Variants in PTPRT observed in about 807,000 individuals in gnomAD.
PTPRT encodes the protein protein tyrosine phosphatase receptor type T.
A neutral mutation model predicts 176.8 loss-of-function variants in PTPRT; 56 were observed. The observed-to-expected ratio is 0.32, with a 90% confidence interval of 0.26 to 0.40. The LOEUF is 0.40. Among genes scored for constraint, PTPRT ranks in the 10% least tolerant of loss-of-function variants. The pLI is 1.00. For missense variants in PTPRT, 1,540 were observed against 1,908.2 expected, an observed-to-expected ratio of 0.81 and a Z score of 3.60; for synonymous variants, 783 against 739.0, an observed-to-expected ratio of 1.06 and a Z score of -0.96.
intron 6 of PTPRT, among the ~76,000 whole-genome samples, chr20:42,712,316 G>C (rs757281151): frequency 6.6e-6 from 1 of 152,250 alleles, no homozygotes; most frequent in Non-Finnish European, 1.5e-5. Flanking sequence ...GCTTGGCAGT[G>C]GGTATGTTAG....
At chr20:43,153,324 T>C (rs1211049126) in intron 1 of PTPRT, among the ~76,000 whole-genome samples, 1 of 152,196 alleles carries the variant, frequency 6.6e-6, no homozygotes, top group Non-Finnish European at 1.5e-5. Flanking sequence ...AAATAATAAT[T>C]AGCTTTGCAT....
chr20:42,667,166 C>A (rs906982895), intron 7 of PTPRT, among the ~76,000 whole-genome samples: 2 of 152,146 alleles, frequency 1.3e-5, no homozygotes, highest in African/African-American at 2.4e-5. Flanking sequence ...AAACACCCAA[C>A]TGGGCCATGG....
intron 9 of PTPRT, among the ~76,000 whole-genome samples, chr20:42,424,497 C>T (rs73121635): frequency 0.012 from 1,848 of 152,250 alleles, 24 homozygotes; most frequent in Non-Finnish European, 0.02. Flanking sequence ...TCTGAGGGGG[C>T]TCGCTGTGCC....
At chr20:42,482,009 G>A (rs2071396043) in intron 7 of PTPRT, among the ~76,000 whole-genome samples, 1 of 152,020 alleles carries the variant, frequency 6.6e-6, no homozygotes, top group Non-Finnish European at 1.5e-5. Flanking sequence ...ACACCCCACT[G>A]TGTAAGCTTA....
intron 11 of PTPRT, among the ~76,000 whole-genome samples, chr20:42,339,610 T>C (rs1357394573): frequency 1.3e-5 from 2 of 152,160 alleles, no homozygotes; most frequent in Non-Finnish European, 2.9e-5. Flanking sequence ...GCCACACCAG[T>C]AGTACTCAAG....
At chr20:42,405,846 C>T (rs1322304505) in intron 9 of PTPRT, among the ~76,000 whole-genome samples, 2 of 152,140 alleles carry the variant, frequency 1.3e-5, no homozygotes, top group East Asian at 3.9e-4. Flanking sequence ...ACATCCTCTC[C>T]AGCGCCTGTT....
chr20:42,392,490 T>A (rs2145675245), intron 9 of PTPRT, among the ~76,000 whole-genome samples: 1 of 152,340 alleles, frequency 6.6e-6, no homozygotes, highest in Non-Finnish European at 1.5e-5. Context: ...ATCTTTCTTT[T>A]TAAAAAAATA....
At chr20:43,166,667 C>T (rs1261518813) in intron 1 of PTPRT, among the ~76,000 whole-genome samples, 1 of 152,158 alleles carries the variant, frequency 6.6e-6, no homozygotes, top group African/African-American at 2.4e-5. Context: ...CCATTTTCTA[C>T]TCATTTTTAT....
At chr20:42,115,776 T>C (rs1021615486) in intron 21 of PTPRT, among the ~76,000 whole-genome samples, 1 of 151,650 alleles carries the variant, frequency 6.6e-6, no homozygotes, top group Non-Finnish European at 1.5e-5. Context: ...TGAGCAAAGA[T>C]GAGAATAAAA....
chr20:42,058,550 C>T, the PTPRT span, among the ~76,000 whole-genome samples: 1 of 152,220 alleles, frequency 6.6e-6, no homozygotes, highest in Non-Finnish European at 1.5e-5. Context: ...ACCTTTCCAG[C>T]CCCTCCTTCA....
chr20:43,039,356 TAA>T lies in PTPRT; in HGVS notation c.88+150288_88+150289del, dbSNP rs534437792. On this transcript the variant is annotated intron_variant, in intron 1 of 30. Coordinates refer to ENST00000373187, the MANE Select transcript of PTPRT (RefSeq NM_007050.6). ...TAGCTATCTTCTTGAAATAAAATGATAAAAAAAAAACCACAAAATCTCTATCT... is the reference window on the plus strand; with the variant it reads ...TAGCTATCTTCTTGAAATAAAATGATAAAAAAAACCACAAAATCTCTATCT... 2.2e-3 allele frequency among the ~76,000 whole-genome samples: 273 copies of T among 124,064 alleles called. 2 individuals carry two copies. The highest frequency in any genetic ancestry group is 0.011 in the South Asian group (50 of 4,522). 81.4% of individuals were successfully genotyped at this position (124,064 alleles called of 152,430 possible). A position where few individuals can be genotyped will look rare whatever the true frequency, so the allele number is the denominator to read the frequency against.
At chr20:42,090,722 G>T (rs780488939) in intron 27 of PTPRT, among the ~76,000 whole-genome samples, 1 of 152,132 alleles carries the variant, frequency 6.6e-6, no homozygotes, top group Non-Finnish European at 1.5e-5. Context: ...AAAGCTTATG[G>T]TTTCTTAAGG....
the PTPRT span, among the ~76,000 whole-genome samples, chr20:42,032,240 C>T: frequency 6.6e-6 from 1 of 151,988 alleles, no homozygotes; most frequent in Non-Finnish European, 1.5e-5. Flanking sequence ...TAGGAAGGAC[C>T]ACAAGGTAGA....
At chr20:43,033,496 G>A (rs896823823) in intron 1 of PTPRT, among the ~76,000 whole-genome samples, 2 of 152,174 alleles carry the variant, frequency 1.3e-5, no homozygotes, top group Non-Finnish European at 2.9e-5. Flanking sequence ...CCTGTCATCC[G>A]CACAGGGACT....
chr20:43,103,161 G>A (rs561033969), intron 1 of PTPRT, among the ~76,000 whole-genome samples: 9 of 151,818 alleles, frequency 5.9e-5, no homozygotes, highest in Non-Finnish European at 7.4e-5. Context: ...CAGATCCCCC[G>A]TCCCCACTGG....
At chr20:42,540,048 C>T (rs758231256) in intron 7 of PTPRT, among the ~76,000 whole-genome samples, 64 of 152,112 alleles carry the variant, frequency 4.2e-4, no homozygotes, top group Admixed American at 1.8e-3. Flanking sequence ...GTGAAACAGC[C>T]CACCATGTGC....
At chr20:43,043,618 C>T (rs1015099376) in intron 1 of PTPRT, among the ~76,000 whole-genome samples, 1 of 152,168 alleles carries the variant, frequency 6.6e-6, no homozygotes, top group Admixed American at 6.5e-5. Context: ...AGCCTTTCTG[C>T]CTCTGAGCTT....
At chr20:42,766,193 G>A (rs146943997) in intron 5 of PTPRT, among the ~76,000 whole-genome samples, 2 of 152,292 alleles carry the variant, frequency 1.3e-5, no homozygotes, top group East Asian at 3.9e-4. Context: ...CCCTTGGAAT[G>A]CACACCATCT....
At chr20:42,108,468 C>A (rs1450179866) in intron 23 of PTPRT, among the ~76,000 whole-genome samples, 1 of 152,162 alleles carries the variant, frequency 6.6e-6, no homozygotes, top group Non-Finnish European at 1.5e-5. Context: ...ATCCACCTCA[C>A]AGCATTAATA....
Sources: allele counts gnomAD v4.1 joint callset (sites outside exome capture counted in the v4.1 genomes callset), GRCh38; gene constraint gnomAD v4.1.1; transcripts MANE v1.5; gene names NCBI Gene and HGNC (gene_info 2026-07-23, HGNC 2026-07-21).